The following LRBA variants were observed in gnomAD, a reference collection of about 807,000 sequenced individuals.
LRBA encodes LPS responsive beige-like anchor protein.
LRBA carries 176 observed loss-of-function variants against 330.0 expected under a neutral mutation model. The ratio of observed to expected loss-of-function variants is 0.53; its 90% CI spans 0.47 to 0.60. LRBA has a LOEUF of 0.60. LRBA is among the 20% of genes least tolerant of loss of function. LRBA has a pLI of 0.00. For synonymous variants in LRBA, 1,230 were observed against 1,193.0 expected (o/e 1.03, Z -0.64); for missense variants, 3,259 against 3,444.8 (o/e 0.95, Z 1.35).
chr4:150,487,050 C>T (rs552293808), intron 42 of LRBA, among the ~76,000 whole-genome samples: 6 of 151,726 alleles, frequency 4.0e-5, no homozygotes, highest in Middle Eastern at 3.4e-3. Context: ...TGTACACTTA[C>T]GTTGATTTCT....
At chr4:150,922,321 C>G (rs890041916) in intron 4 of LRBA, among the ~76,000 whole-genome samples, 2 of 151,168 alleles carry the variant, frequency 1.3e-5, no homozygotes, top group South Asian at 2.1e-4. Flanking sequence ...TTTATAGCAG[C>G]ACAATTCACA....
chr4:150,568,442 C>T (rs532007617), intron 40 of LRBA, among the ~76,000 whole-genome samples: 1 of 152,136 alleles, frequency 6.6e-6, no homozygotes, highest in African/African-American at 2.4e-5. Context: ...ACAATTTTCC[C>T]TTCTTTTATT....
Position 150,867,956 on chromosome 4 carries a change from CT to C in LRBA, c.2574-94del, listed in dbSNP as rs1254872927. ...TAAAACAAAATAACCCTGCCCCTCC[CT>C]TTCCCCCCGAAAAAGAAACACATTT... is the stretch of plus-strand genomic sequence containing the variant. On this transcript the variant is annotated intron_variant, in intron 21 of 56. Transcript: ENST00000651943. The C allele has an allele frequency of 1.8e-5, 20 of 1,091,360 alleles. No homozygotes were observed. The East Asian group carries it at 4.8e-4, about 26-fold the overall frequency. The allele number at this position is 1,091,360 out of a possible 1,614,324, so 67.6% of individuals were successfully genotyped here. A position where few individuals can be genotyped will look rare whatever the true frequency, so the allele number is the denominator to read the frequency against.
intron 2 of LRBA, among the ~76,000 whole-genome samples, chr4:150,938,575 G>T (rs1471945336): frequency 1.3e-5 from 2 of 152,180 alleles, no homozygotes; most frequent in African/African-American, 4.8e-5. Context: ...CTGACCAACA[G>T]GCAGTAAATA....
intron 16 of LRBA, among the ~76,000 whole-genome samples, chr4:150,895,855 C>T (rs945518729): frequency 6.6e-6 from 1 of 152,166 alleles, no homozygotes. Context: ...TGAGGAATCG[C>T]CACACCGACT....
intron 37 of LRBA, among the ~76,000 whole-genome samples, chr4:150,674,751 T>C (rs1236168573): frequency 6.6e-6 from 1 of 151,740 alleles, no homozygotes; most frequent in Admixed American, 6.6e-5. Context: ...GTCATGTGCC[T>C]GTGGTCCCAG....
At chr4:150,869,685 T>A (rs2126997254) in intron 20 of LRBA, among the ~76,000 whole-genome samples, 1 of 152,078 alleles carries the variant, frequency 6.6e-6, no homozygotes, top group East Asian at 1.9e-4. Flanking sequence ...CAAGACTCGG[T>A]CTCTAAATAA....
chr4:150,605,505 T>C (rs574736717), intron 37 of LRBA, among the ~76,000 whole-genome samples: 59 of 152,316 alleles, frequency 3.9e-4, no homozygotes, highest in African/African-American at 1.4e-3. Flanking sequence ...AATTTTCACA[T>C]TGCCTGTTTT....
intron 9 of LRBA, among the ~76,000 whole-genome samples, chr4:150,911,231 A>G (rs998670723): frequency 5.3e-5 from 8 of 152,178 alleles, no homozygotes; most frequent in Admixed American, 4.6e-4. Context: ...TTGAATAGAA[A>G]TGGAAAGAAT....
rs534946403 is a variant in LRBA, at chr4:150,321,593, A to C, written c.7453-225T>G. On this transcript the variant is annotated intron_variant, in intron 49 of 56. Coordinates refer to ENST00000651943, the MANE Select transcript of LRBA (RefSeq NM_001364905.1). This position sits in a 1 kb window ranked among gnomAD's most constrained non-coding sequence, Gnocchi z 4.5. ...TTGGAATTTTGGGGGACTGAAGTAG[A>C]ATACATTAACAGAAACACTTTAAAA... Among the ~76,000 whole-genome samples, 10 of 152,314 alleles carry C rather than the reference A, an allele frequency of 6.6e-5. No homozygotes were observed. Among genetic ancestry groups the C allele is most frequent in the Admixed American group, 2.6e-4 (4 of 15,292 alleles).
intron 40 of LRBA, among the ~76,000 whole-genome samples, chr4:150,494,359 T>G (rs1003480955): frequency 6.6e-6 from 1 of 152,228 alleles, no homozygotes; most frequent in African/African-American, 2.4e-5. Flanking sequence ...TTTAAGCTCT[T>G]TGATATGTTA....
intron 51 of LRBA, chr4:150,315,327 A>C: frequency 1.7e-6 from 1 of 582,898 alleles, no homozygotes; most frequent in South Asian, 2.0e-5. Context: ...TACAGCATCC[A>C]TATTAATTTT....
At chr4:150,614,688 A>G (rs923214119) in intron 37 of LRBA, among the ~76,000 whole-genome samples, 1 of 152,226 alleles carries the variant, frequency 6.6e-6, no homozygotes, top group Non-Finnish European at 1.5e-5. Flanking sequence ...AAAGTCCTAA[A>G]GCTAAGTGTA....
intron 35 of LRBA, among the ~76,000 whole-genome samples, chr4:150,745,114 C>A (rs1306458483): frequency 1.3e-5 from 2 of 152,034 alleles, no homozygotes; most frequent in Non-Finnish European, 2.9e-5. Context: ...CTGAATTCTG[C>A]CAAGAAATTT....
At chr4:150,280,908 C>G (rs1007735714) in intron 55 of LRBA, among the ~76,000 whole-genome samples, 2 of 151,938 alleles carry the variant, frequency 1.3e-5, no homozygotes, top group African/African-American at 4.9e-5. Flanking sequence ...TGCAAGTTAG[C>G]ATGATAAAGT....
intron 37 of LRBA, among the ~76,000 whole-genome samples, chr4:150,619,399 C>T (rs1161570287): frequency 1.3e-5 from 2 of 152,092 alleles, no homozygotes; most frequent in African/African-American, 4.8e-5. Flanking sequence ...TATTGCAAAG[C>T]TTAACACCTG....
At chr4:150,870,052 G>A (rs1753242693) in intron 20 of LRBA, among the ~76,000 whole-genome samples, 1 of 151,976 alleles carries the variant, frequency 6.6e-6, no homozygotes, top group African/African-American at 2.4e-5. Context: ...TAAAAAGCAA[G>A]ATGAAAAAGG....
chr4:150,893,020 T>C, intron 17 of LRBA, 32 bp downstream of exon 17: 1 of 1,297,254 alleles, frequency 7.7e-7, no homozygotes, highest in African/African-American at 1.5e-5. Context: ...TCCAAACTAA[T>C]CCCTTATATG....
intron 13 of LRBA, among the ~76,000 whole-genome samples, chr4:150,903,684 G>A (rs1560984310): frequency 2.0e-5 from 3 of 152,178 alleles, no homozygotes; most frequent in Non-Finnish European, 4.4e-5. Context: ...AAGTTACAGT[G>A]AGCTGAGATC....
Sources: allele counts gnomAD v4.1 joint callset (sites outside exome capture counted in the v4.1 genomes callset), GRCh38; gene constraint gnomAD v4.1.1; non-coding constraint Gnocchi (gnomAD v3.1); transcripts MANE v1.5; gene names NCBI Gene and HGNC (gene_info 2026-07-23, HGNC 2026-07-21).